The following CNTN4 variants were observed in gnomAD, a reference collection of about 807,000 sequenced individuals.
The protein encoded by CNTN4 is contactin-4.
A neutral mutation model predicts 122.5 loss-of-function variants in CNTN4; 77 were observed. The ratio of observed to expected loss-of-function variants is 0.63; its 90% confidence interval spans 0.52 to 0.76. The LOEUF is 0.76. Ranked by LOEUF, CNTN4 falls within the 30% of genes least tolerant of loss-of-function variation. CNTN4 has a pLI of 0.00. For synonymous variants in CNTN4, 512 were observed against 447.0 expected (o/e 1.15, Z -1.83); for missense variants, 1,256 against 1,259.1 (o/e 1.00, Z 0.04).
intron 4 of CNTN4, among the ~76,000 whole-genome samples, chr3:2,665,452 A>G (rs950169693): frequency 5.3e-5 from 8 of 152,230 alleles, no homozygotes; most frequent in Non-Finnish European, 8.8e-5. Flanking sequence ...TTGATCACCT[A>G]TAGCAATAAA....
At chr3:2,481,059 T>C (rs1161790601) in intron 3 of CNTN4, among the ~76,000 whole-genome samples, 2 of 116,896 alleles carry the variant, frequency 1.7e-5, no homozygotes, top group Non-Finnish European at 3.7e-5. Flanking sequence ...CTTTCTTTCT[T>C]TCTCTCTTTC....
chr3:2,797,173 T>A (rs1466328551), intron 6 of CNTN4, among the ~76,000 whole-genome samples: 4 of 152,140 alleles, frequency 2.6e-5, no homozygotes, highest in Non-Finnish European at 5.9e-5. Context: ...ACTAATTTTT[T>A]AATTTTTTGT....
At position 2,897,600 on chromosome 3, in the gene CNTN4, C is replaced by T. The variant is rs377345676; in HGVS notation, c.941-3085C>T. Among the ~76,000 whole-genome samples, 7 of 152,176 alleles carry T rather than the reference C, an allele frequency of 4.6e-5. No homozygotes were observed. The East Asian group carries it at 1.2e-3, about 25-fold the overall frequency. The stretch of plus-strand genomic sequence containing the variant: ...GGTTTTTTAGGATTTTGGAATATTT[C>T]GACCCAAGCCTAAACATGAAGTTTA... On this transcript the variant is annotated intron_variant, in intron 10 of 24. Coordinates refer to ENST00000418658, the MANE Select transcript of CNTN4 (RefSeq NM_175607.3).
At chr3:2,298,676 A>T (rs1194589391) in intron 2 of CNTN4, among the ~76,000 whole-genome samples, 2 of 152,214 alleles carry the variant, frequency 1.3e-5, no homozygotes, top group Non-Finnish European at 2.9e-5. Flanking sequence ...TTCAACCAAA[A>T]AAGTATTGTG....
intron 2 of CNTN4, among the ~76,000 whole-genome samples, chr3:2,291,095 C>A (rs570450545): frequency 6.6e-6 from 1 of 152,166 alleles, no homozygotes; most frequent in Non-Finnish European, 1.5e-5. Flanking sequence ...TCCATGGCCA[C>A]TGAGAATCTA....
At chr3:2,546,225 A>T (rs1438972028) in intron 3 of CNTN4, among the ~76,000 whole-genome samples, 2 of 152,010 alleles carry the variant, frequency 1.3e-5, no homozygotes, top group Non-Finnish European at 2.9e-5. Flanking sequence ...CTGCAGCACT[A>T]TTCACAATAG....
intron 2 of CNTN4, among the ~76,000 whole-genome samples, chr3:2,122,747 T>C (rs2033885724): frequency 6.6e-6 from 1 of 152,216 alleles, no homozygotes; most frequent in African/African-American, 2.4e-5. Context: ...AATGTTTGAG[T>C]TGATGCAGTA....
At chr3:2,780,524 A>G (rs180960925) in intron 6 of CNTN4, among the ~76,000 whole-genome samples, 74 of 152,350 alleles carry the variant, frequency 4.9e-4, no homozygotes, top group Non-Finnish European at 8.1e-4. Flanking sequence ...AATAATCTGG[A>G]TTTTAAGCTT....
intron 2 of CNTN4, among the ~76,000 whole-genome samples, chr3:2,117,401 G>A (rs777210593): frequency 6.6e-6 from 1 of 152,202 alleles, no homozygotes; most frequent in Non-Finnish European, 1.5e-5. Flanking sequence ...GTGTTAAGCT[G>A]TCTGGAAGTG....
chr3:2,375,922 G>GAA (rs776661178), intron 3 of CNTN4, among the ~76,000 whole-genome samples: 9 of 141,150 alleles, frequency 6.4e-5, no homozygotes, highest in African/African-American at 2.1e-4. Context: ...GTTGAAAGAA[G>GAA]AAAAAAAAAA....
chr3:2,152,524 G>T (rs2035537261), intron 2 of CNTN4, among the ~76,000 whole-genome samples: 1 of 152,076 alleles, frequency 6.6e-6, no homozygotes, highest in African/African-American at 2.4e-5. Context: ...AGAGATGATG[G>T]GACTTTGTCA....
At chr3:2,677,469 C>CATAGATATAGAGAGAGATCTATGT in intron 4 of CNTN4, among the ~76,000 whole-genome samples, 1 of 104,240 alleles carries the variant, frequency 9.6e-6, no homozygotes, top group East Asian at 3.8e-4. Flanking sequence ...TGTATCTATC[C>CATAGATATAGAGAGAGATCTATGT]ATCTATCCAT....
At chr3:2,564,214 C>G (rs978458562) in intron 3 of CNTN4, among the ~76,000 whole-genome samples, 1 of 152,066 alleles carries the variant, frequency 6.6e-6, no homozygotes, top group Non-Finnish European at 1.5e-5. Flanking sequence ...CCTATGGGGA[C>G]TAACAGCTAG....
chr3:2,189,048 G>T (rs1202276496), intron 2 of CNTN4, among the ~76,000 whole-genome samples: 1 of 152,098 alleles, frequency 6.6e-6, no homozygotes, highest in Non-Finnish European at 1.5e-5. Flanking sequence ...TAATTCTGTG[G>T]AATTCAGAAA....
chr3:2,454,725 C>G (rs909727085), intron 3 of CNTN4, among the ~76,000 whole-genome samples: 1 of 146,726 alleles, frequency 6.8e-6, no homozygotes, highest in Non-Finnish European at 1.5e-5. Flanking sequence ...GTTTCCTACT[C>G]CATTAGTGAT....
At chr3:2,342,097 A>G (rs1161072057) in intron 3 of CNTN4, among the ~76,000 whole-genome samples, 2 of 152,240 alleles carry the variant, frequency 1.3e-5, no homozygotes, top group Non-Finnish European at 2.9e-5. Flanking sequence ...TTATATATCC[A>G]TCAACTAAGT....
At position 2,280,761 on chromosome 3, in the gene CNTN4, T is replaced by G. The variant is rs566866272; in HGVS notation, c.-144-58417T>G. Among the ~76,000 whole-genome samples the G allele has an allele frequency of 2.0e-5, 3 of 152,310 alleles. No individual in the cohort carries two copies. In the South Asian group the frequency reaches 6.2e-4, roughly 32 times the overall value. On this transcript the variant is annotated intron_variant, in intron 2 of 24. Coordinates refer to ENST00000418658, the MANE Select transcript of CNTN4 (RefSeq NM_175607.3). ...ACTTCAGTATGAAGTTTTGTACCTA[T>G]AGCTCCAGCTCCTGAAAAAATTGTT...
chr3:2,224,401 G>A (rs562271892), intron 2 of CNTN4, among the ~76,000 whole-genome samples: 6 of 152,278 alleles, frequency 3.9e-5, no homozygotes, highest in Non-Finnish European at 8.8e-5. Flanking sequence ...TTGCATTTTT[G>A]TTCCTGGGAA....
chr3:2,912,890 G>A lies in CNTN4; in HGVS notation c.1207+9885G>A, dbSNP rs1487667159. Among the ~76,000 whole-genome samples, 9 of 152,284 alleles carry A rather than the reference G, an allele frequency of 5.9e-5. No individual in the cohort carries two copies. The East Asian group carries it at 1.2e-3, about 20-fold the overall frequency. ...CACAAGGCTGGGTGCAGTGGCTCAC[G>A]CCCGTAATCCCAGCACTTTGGGAGG... On this transcript the variant is annotated intron_variant, in intron 12 of 24. Transcript: ENST00000418658.
Sources: gnomAD v4.1 joint callset for allele counts (sites outside exome capture counted in the v4.1 genomes callset) on GRCh38, gnomAD v4.1.1 for gene constraint, MANE v1.5 for transcripts, NCBI Gene and HGNC (gene_info 2026-07-23, HGNC 2026-07-21) for gene names.